USP49: variants seen among roughly 807,000 people sequenced by gnomAD.
USP49 encodes ubiquitin carboxyl-terminal hydrolase 49.
USP49 carries 24 observed loss-of-function variants against 58.6 expected under a neutral mutation model. The ratio of observed to expected loss-of-function variants is 0.41; its 90% CI spans 0.30 to 0.58. The LOEUF is 0.58. USP49 is among the 20% of genes least tolerant of loss of function. The pLI is 0.30. For missense variants in USP49, 703 were observed against 866.1 expected, an observed-to-expected ratio of 0.81 and a Z score of 2.36; for synonymous variants, 408 against 365.1, an observed-to-expected ratio of 1.12 and a Z score of -1.34.
chr6:41,881,818 T>C (rs1472996200), intron 2 of USP49, among the ~76,000 whole-genome samples: 2 of 152,086 alleles, frequency 1.3e-5, no homozygotes, highest in Non-Finnish European at 2.9e-5. Context: ...TTACAAAACA[T>C]AATACATACC....
At chr6:41,863,282 C>G (rs538096416) in intron 3 of USP49, among the ~76,000 whole-genome samples, 1 of 152,272 alleles carries the variant, frequency 6.6e-6, no homozygotes, top group Admixed American at 6.5e-5. Flanking sequence ...CTAGTCTAGG[C>G]TCTTCATTAT....
intron 3 of USP49, among the ~76,000 whole-genome samples, chr6:41,811,397 A>G (rs903137411): frequency 1.3e-5 from 2 of 152,172 alleles, no homozygotes; most frequent in African/African-American, 4.8e-5. Context: ...TAATTGTTCT[A>G]TTGTATTATG....
At chr6:41,849,219 A>AATGAC (rs1773977231) in intron 3 of USP49, among the ~76,000 whole-genome samples, 1 of 152,220 alleles carries the variant, frequency 6.6e-6, no homozygotes. Context: ...AAAGATAAAA[A>AATGAC]ATGACATGAT....
intron 3 of USP49, among the ~76,000 whole-genome samples, chr6:41,810,219 G>T (rs547666019): frequency 6.6e-6 from 1 of 151,858 alleles, no homozygotes; most frequent in Non-Finnish European, 1.5e-5. Flanking sequence ...AGTGGCTCAC[G>T]CCTGTAATCC....
At position 41,894,665 on chromosome 6, in the gene USP49, C is replaced by T. The variant is rs550724546; in HGVS notation, c.-185+659G>A. Among the ~76,000 whole-genome samples the T allele has an allele frequency of 1.5e-3, 233 of 150,938 alleles. 2 individuals are homozygous for T. The highest frequency in any genetic ancestry group is 0.01 in the Middle Eastern group (3 of 294). On this transcript the variant is annotated intron_variant, in intron 1 of 7. Coordinates refer to ENST00000682992, the MANE Select transcript of USP49 (RefSeq NM_001286554.2). ...TGTCTTCCACTTCCAACACTTACCCCGGTACCCCTCACCCCAACACCACCC... is the reference window on the plus strand; with the variant it reads ...TGTCTTCCACTTCCAACACTTACCCTGGTACCCCTCACCCCAACACCACCC...
Position 41,805,831 on chromosome 6 carries a change from C to CT in USP49, c.1152dup (p.Val385SerfsTer34). 6.2e-7 allele frequency: 1 copy of CT among 1,614,054 alleles called. No homozygotes were observed. Among genetic ancestry groups the CT allele is most frequent in the Non-Finnish European group, 8.5e-7 (1 of 1,180,016 alleles). ...CGGAAGGCAGGGATCAGGCTCCACA[C>CT]TGAGTGGAGCATGGCGAAGGGCGAC... is the stretch of plus-strand genomic sequence containing the variant. On this transcript the variant is annotated frameshift_variant, in exon 4 of 8. Coordinates refer to ENST00000682992, the MANE Select transcript of USP49 (RefSeq NM_001286554.2). LOFTEE classifies it high-confidence loss of function.
intron 3 of USP49, among the ~76,000 whole-genome samples, chr6:41,839,717 G>A (rs373280967): frequency 2.6e-5 from 4 of 151,996 alleles, no homozygotes; most frequent in African/African-American, 9.6e-5. Context: ...AGGTGGAGAC[G>A]ATTACTCTAA....
rs558221327 is a variant in USP49, at chr6:41,887,693, C to T, written c.-103+4101G>A. ...ACCAACATCTGCCCCCAATCATTTGCCAGCCCTGGCTGCATAGAAGGCACG... is the reference window on the plus strand; with the variant it reads ...ACCAACATCTGCCCCCAATCATTTGTCAGCCCTGGCTGCATAGAAGGCACG... On this transcript the variant is annotated intron_variant, in intron 2 of 7. Coordinates refer to ENST00000682992, the MANE Select transcript of USP49 (RefSeq NM_001286554.2). Among the ~76,000 whole-genome samples the T allele has an allele frequency of 2.6e-5, 4 of 152,306 alleles. No individual in the cohort carries two copies. The East Asian group carries it at 7.7e-4, about 29-fold the overall frequency.
chr6:41,868,142 C>A (rs765078508), intron 3 of USP49, among the ~76,000 whole-genome samples: 9 of 152,176 alleles, frequency 5.9e-5, no homozygotes, highest in Non-Finnish European at 1.2e-4. Context: ...TGCAATGTGA[C>A]TTTGGGCAAA....
Position 41,806,792 on chromosome 6 carries a change from C to T in USP49, c.192G>A (p.Pro64=), listed in dbSNP as rs139392645. 95 of 1,614,068 alleles carry T rather than the reference C, an allele frequency of 5.9e-5. No individual in the cohort carries two copies. The highest frequency in any genetic ancestry group is 3.3e-5 in the Admixed American group (2 of 60,008). ...ALKHFEETGH[P]LAMEVRDLYV... The stretch of plus-strand genomic sequence containing the variant: ...AGAGATCCCGGACTTCCATGGCTAG[C>T]GGGTGTCCCGTCTCCTCAAAGTGTT... The change falls in exon 4 of 8, where the codon CCG becomes CCA. Residue 64 remains proline (P), a synonymous_variant. Coordinates refer to ENST00000682992, the MANE Select transcript of USP49 (RefSeq NM_001286554.2). The surrounding 1 kb of genome is among the most constrained non-coding windows in gnomAD (Gnocchi z 5.9).
At chr6:41,854,892 C>G (rs1774098425) in intron 3 of USP49, among the ~76,000 whole-genome samples, 1 of 152,076 alleles carries the variant, frequency 6.6e-6, no homozygotes, top group Non-Finnish European at 1.5e-5. Flanking sequence ...CGTCCCTCAG[C>G]CTCCTGAGTA....
At chr6:41,828,055 T>C (rs192200973) in intron 3 of USP49, among the ~76,000 whole-genome samples, 80 of 152,324 alleles carry the variant, frequency 5.3e-4, no homozygotes, top group African/African-American at 1.9e-3. Flanking sequence ...CATTCTTTCA[T>C]GTATCTATTG....
chr6:41,873,407 T>C (rs1272829909), intron 2 of USP49, among the ~76,000 whole-genome samples: 1 of 152,072 alleles, frequency 6.6e-6, no homozygotes, highest in Non-Finnish European at 1.5e-5. Context: ...GGCCAGAAAG[T>C]AGGTCCCAGG....
intron 2 of USP49, among the ~76,000 whole-genome samples, chr6:41,885,188 C>T (rs1774687406): frequency 6.6e-6 from 1 of 152,230 alleles, no homozygotes; most frequent in African/African-American, 2.4e-5. Context: ...ACACTGCTGG[C>T]TGCCAACGTA....
intron 3 of USP49, among the ~76,000 whole-genome samples, chr6:41,825,139 T>A (rs1452982457): frequency 6.6e-6 from 1 of 152,198 alleles, no homozygotes; most frequent in Non-Finnish European, 1.5e-5. Flanking sequence ...TTTTAAAATA[T>A]CAACCTCCTG....
rs1204089309 is a variant in USP49, at chr6:41,859,095, T to C, written c.-29+12469A>G. 2.0e-5 allele frequency among the ~76,000 whole-genome samples: 3 copies of C among 152,186 alleles called. No homozygotes were observed. The East Asian group carries it at 5.8e-4, about 29-fold the overall frequency. ...ATTACTGCAACTGCCTTTTAATGGGTCTTCCTGCATTCAGCCTAAAACCCA... is the reference window on the plus strand; with the variant it reads ...ATTACTGCAACTGCCTTTTAATGGGCCTTCCTGCATTCAGCCTAAAACCCA... On this transcript the variant is annotated intron_variant, in intron 3 of 7. Coordinates refer to ENST00000682992, the MANE Select transcript of USP49 (RefSeq NM_001286554.2).
At chr6:41,844,858 G>A (rs895843368) in intron 3 of USP49, among the ~76,000 whole-genome samples, 6 of 152,004 alleles carry the variant, frequency 3.9e-5, no homozygotes, top group African/African-American at 9.7e-5. Flanking sequence ...ATTTTATTGC[G>A]TAAAGTAGCT....
intron 3 of USP49, among the ~76,000 whole-genome samples, chr6:41,838,027 T>G (rs1450235013): frequency 6.6e-6 from 1 of 152,240 alleles, no homozygotes; most frequent in African/African-American, 2.4e-5. Context: ...GTTCAGCTAC[T>G]GTGGAAAGCA....
At chr6:41,828,241 G>A (rs565122315) in intron 3 of USP49, among the ~76,000 whole-genome samples, 10 of 152,004 alleles carry the variant, frequency 6.6e-5, no homozygotes, top group Admixed American at 2.0e-4. Context: ...TCAGGAGATC[G>A]AGACCAACCT....
Sources: gnomAD v4.1 joint callset for allele counts (sites outside exome capture counted in the v4.1 genomes callset) on GRCh38, gnomAD v4.1.1 for gene constraint, Gnocchi (gnomAD v3.1) non-coding constraint, MANE v1.5 for transcripts, NCBI Gene and HGNC (gene_info 2026-07-23, HGNC 2026-07-21) for gene names.